The following SLIT3 variants were observed in gnomAD, a reference collection of about 807,000 sequenced individuals.
SLIT3 encodes slit homolog 3 protein.
Under a neutral mutation model 184.0 loss-of-function variants are expected in SLIT3, and 68 were observed. The observed-to-expected ratio is 0.37, with a 90% CI of 0.30 to 0.45. The LOEUF (loss-of-function observed/expected upper bound fraction) is 0.45. Ranked by LOEUF, SLIT3 falls within the 20% of genes least tolerant of loss-of-function variation. The pLI, the probability that SLIT3 is intolerant of heterozygous loss-of-function variation, is 1.00. For synonymous variants in SLIT3, 831 were observed against 828.6 expected (o/e 1.00, Z -0.05); for missense variants, 1,707 against 2,026.0 (o/e 0.84, Z 3.02).
At position 169,059,994 on chromosome 5, in the gene SLIT3, T is replaced by G. The variant is rs558085276; in HGVS notation, c.413+133485A>C. Among the ~76,000 whole-genome samples the G allele has an allele frequency of 4.3e-4, 66 of 152,356 alleles. 1 individual carries two copies. The South Asian group carries it at 0.013, about 30-fold the overall frequency. ...GCTCTTTCATCCTTTTTTGGCCATGTGAGGACACAGAAAGAAGCCAGCCAT... is the reference window on the plus strand; with the variant it reads ...GCTCTTTCATCCTTTTTTGGCCATGGGAGGACACAGAAAGAAGCCAGCCAT... On this transcript the variant is annotated intron_variant, in intron 4 of 35. Transcript: ENST00000519560.
chr5:169,080,581 C>T (rs1375442002), intron 4 of SLIT3, among the ~76,000 whole-genome samples: 1 of 152,162 alleles, frequency 6.6e-6, no homozygotes, highest in African/African-American at 2.4e-5. Context: ...AGCTATAAAG[C>T]ACGTGGTAGA....
chr5:168,891,855 G>A (rs1760475214), intron 4 of SLIT3, among the ~76,000 whole-genome samples: 1 of 152,204 alleles, frequency 6.6e-6, no homozygotes, highest in African/African-American at 2.4e-5. Context: ...TCAGGGTTGT[G>A]CAGGTAAAGT....
chr5:168,887,538 G>A (rs901890641), intron 4 of SLIT3, among the ~76,000 whole-genome samples: 3 of 152,184 alleles, frequency 2.0e-5, no homozygotes, highest in South Asian at 2.1e-4. Flanking sequence ...TTGTGAGAGC[G>A]AAATGATTAC....
At chr5:168,821,521 A>T (rs1282961588) in intron 7 of SLIT3, among the ~76,000 whole-genome samples, 1 of 152,208 alleles carries the variant, frequency 6.6e-6, no homozygotes, top group African/African-American at 2.4e-5. Flanking sequence ...GAGGTCTTTG[A>T]AGACCAAATG....
At chr5:168,770,151 C>T (rs1428227430) in intron 14 of SLIT3, among the ~76,000 whole-genome samples, 1 of 152,178 alleles carries the variant, frequency 6.6e-6, no homozygotes, top group African/African-American at 2.4e-5. Context: ...TTCAGGAGGA[C>T]TTAATCTGAT....
At chr5:168,941,789 A>G (rs1762341503) in intron 4 of SLIT3, among the ~76,000 whole-genome samples, 1 of 152,244 alleles carries the variant, frequency 6.6e-6, no homozygotes, top group Admixed American at 6.5e-5. Flanking sequence ...CCCTCTGAAC[A>G]TAACTTTCCT....
chr5:168,937,041 G>A (rs1452871807), intron 4 of SLIT3, among the ~76,000 whole-genome samples: 3 of 152,110 alleles, frequency 2.0e-5, no homozygotes, highest in Admixed American at 6.6e-5. Flanking sequence ...AATCAGAAAA[G>A]GCTTTCTGAA....
At chr5:169,260,876 T>C (rs1184010697) in intron 1 of SLIT3, among the ~76,000 whole-genome samples, 2 of 152,210 alleles carry the variant, frequency 1.3e-5, no homozygotes, top group Non-Finnish European at 2.9e-5. Context: ...GTAATTACCA[T>C]AGACTATGAT....
At chr5:168,695,890 C>A (rs1762049363) in intron 28 of SLIT3, among the ~76,000 whole-genome samples, 1 of 152,180 alleles carries the variant, frequency 6.6e-6, no homozygotes, top group East Asian at 1.9e-4. Flanking sequence ...TTTTGTATCC[C>A]TAGCTCCTAG....
chr5:168,839,268 T>G (rs549277500), intron 6 of SLIT3, among the ~76,000 whole-genome samples: 2 of 152,252 alleles, frequency 1.3e-5, no homozygotes, highest in African/African-American at 4.8e-5. Flanking sequence ...CACTTCAAGC[T>G]TTACTGTACC....
At chr5:169,055,299 T>TG (rs1757956123) in intron 4 of SLIT3, among the ~76,000 whole-genome samples, 1 of 152,160 alleles carries the variant, frequency 6.6e-6, no homozygotes, top group African/African-American at 2.4e-5. Flanking sequence ...ATCATGTAAA[T>TG]ATTTTAGGAG....
chr5:168,703,437 G>T (rs1343118434), intron 26 of SLIT3, among the ~76,000 whole-genome samples: 1 of 152,132 alleles, frequency 6.6e-6, no homozygotes, highest in African/African-American at 2.4e-5. Flanking sequence ...CCTCCTTTCA[G>T]GTCAGCCGTG....
chr5:168,741,241 C>G (rs964369490), intron 20 of SLIT3, among the ~76,000 whole-genome samples: 3 of 151,994 alleles, frequency 2.0e-5, no homozygotes, highest in East Asian at 1.9e-4. Flanking sequence ...GAGGCCGAGG[C>G]GGGCGGATCA....
intron 4 of SLIT3, among the ~76,000 whole-genome samples, chr5:168,972,337 A>G (rs200433060): frequency 0.047 from 5,591 of 118,300 alleles, 166 homozygotes; most frequent in Middle Eastern, 0.081. Context: ...GCAGGACAAC[A>G]TGTGTGTGTG....
chr5:168,844,513 C>T (rs1373622190), intron 6 of SLIT3, 71 bp downstream of exon 6: 6 of 1,398,716 alleles, frequency 4.3e-6, no homozygotes, highest in Non-Finnish European at 6.1e-6. Flanking sequence ...CCTCTCTCCT[C>T]CCCACACAGA....
intron 20 of SLIT3, among the ~76,000 whole-genome samples, chr5:168,741,478 C>CAAACAAAA (rs1763636872): frequency 1.2e-5 from 1 of 81,624 alleles, no homozygotes; most frequent in African/African-American, 5.1e-5. Flanking sequence ...GACTCGGTCT[C>CAAACAAAA]AAAAAAAAAA....
At chr5:169,088,887 G>A (rs1047162477) in intron 4 of SLIT3, among the ~76,000 whole-genome samples, 2 of 151,720 alleles carry the variant, frequency 1.3e-5, no homozygotes, top group African/African-American at 4.8e-5. Flanking sequence ...AGGCATGGTG[G>A]CGCATGCCTG....
At chr5:168,863,852 G>C (rs1759200198) in intron 5 of SLIT3, among the ~76,000 whole-genome samples, 1 of 152,130 alleles carries the variant, frequency 6.6e-6, no homozygotes, top group Non-Finnish European at 1.5e-5. Context: ...CCCAAGTTGA[G>C]AAGTTTGCCT....
intron 26 of SLIT3, 31 bp downstream of exon 26, chr5:168,707,945 T>C: frequency 1.2e-6 from 2 of 1,613,436 alleles, no homozygotes; most frequent in Non-Finnish European, 1.7e-6. Flanking sequence ...GCCTGAGGCA[T>C]GAACACGGGG....
Sources: allele counts gnomAD v4.1 joint callset (sites outside exome capture counted in the v4.1 genomes callset), GRCh38; gene constraint gnomAD v4.1.1; transcripts MANE v1.5; gene names NCBI Gene and HGNC (gene_info 2026-07-23, HGNC 2026-07-21).